Variants in EXOC4 observed in about 807,000 individuals in gnomAD.
EXOC4 encodes the protein SEC8-like 1.
A neutral mutation model predicts 107.2 loss-of-function variants in EXOC4; 71 were observed. The observed-to-expected ratio is 0.66, with a 90% CI of 0.55 to 0.81. The LOEUF (loss-of-function observed/expected upper bound fraction) is 0.81. Among genes scored for constraint, EXOC4 ranks in the 30% least tolerant of loss-of-function variants. The pLI is 0.00. For missense variants in EXOC4, 1,108 were observed against 1,189.6 expected, an observed-to-expected ratio of 0.93 and a Z score of 1.01; for synonymous variants, 456 against 441.2, an observed-to-expected ratio of 1.03 and a Z score of -0.42.
chr7:133,550,756 T>C (rs1360391957), intron 9 of EXOC4, among the ~76,000 whole-genome samples: 1 of 152,184 alleles, frequency 6.6e-6, no homozygotes, highest in Non-Finnish European at 1.5e-5. Context: ...TTAGAACCTG[T>C]AATAGCCTTT....
At chr7:133,654,318 G>A (rs1159174263) in intron 10 of EXOC4, among the ~76,000 whole-genome samples, 11 of 152,124 alleles carry the variant, frequency 7.2e-5, no homozygotes, top group Non-Finnish European at 1.6e-4. Flanking sequence ...TTCCATTCTT[G>A]TTTTAGTCAC....
chr7:133,440,624 G>A (rs1017573177), intron 7 of EXOC4, among the ~76,000 whole-genome samples: 1 of 152,170 alleles, frequency 6.6e-6, no homozygotes, highest in African/African-American at 2.4e-5. Flanking sequence ...TGATAAAATA[G>A]GTTGCAGTAA....
chr7:133,293,728 CAG>C (rs1223301212), intron 3 of EXOC4, among the ~76,000 whole-genome samples: 3 of 152,164 alleles, frequency 2.0e-5, no homozygotes, highest in African/African-American at 7.2e-5. Context: ...ATTGTCATGA[CAG>C]GGAATGTCTG....
At chr7:134,072,381 G>A in the EXOC4 span, among the ~76,000 whole-genome samples, 1 of 152,210 alleles carries the variant, frequency 6.6e-6, no homozygotes, top group Non-Finnish European at 1.5e-5. Flanking sequence ...TTTTGCTGCT[G>A]TTTGTGGTGG....
chr7:133,255,541 A>G (rs974218193), intron 1 of EXOC4, among the ~76,000 whole-genome samples: 8 of 152,142 alleles, frequency 5.3e-5, no homozygotes, highest in African/African-American at 1.9e-4. Flanking sequence ...TATAGTTTTT[A>G]CAAGCATGGT....
intron 14 of EXOC4, among the ~76,000 whole-genome samples, chr7:133,955,952 G>T (rs555003290): frequency 1.3e-5 from 2 of 152,324 alleles, no homozygotes; most frequent in Admixed American, 6.5e-5. Flanking sequence ...CAGTTGGGGG[G>T]CTTCCCAGGC....
At chr7:133,552,160 C>G (rs554425191) in intron 9 of EXOC4, among the ~76,000 whole-genome samples, 1 of 152,218 alleles carries the variant, frequency 6.6e-6, no homozygotes, top group Non-Finnish European at 1.5e-5. Context: ...TGTTTTATAT[C>G]ATTAAGAACC....
chr7:133,570,704 T>C (rs1282884264), intron 9 of EXOC4, among the ~76,000 whole-genome samples: 2 of 152,196 alleles, frequency 1.3e-5, no homozygotes, highest in African/African-American at 2.4e-5. Flanking sequence ...AGGACTCTTA[T>C]CCACTCCTCA....
intron 15 of EXOC4, among the ~76,000 whole-genome samples, chr7:134,000,705 A>G (rs1359026329): frequency 6.6e-6 from 1 of 152,134 alleles, no homozygotes; most frequent in Non-Finnish European, 1.5e-5. Context: ...ATCCTGCTGT[A>G]AAAAAAGAAT....
At chr7:134,091,664 T>C in the EXOC4 span, among the ~76,000 whole-genome samples, 1 of 152,190 alleles carries the variant, frequency 6.6e-6, no homozygotes, top group Non-Finnish European at 1.5e-5. Context: ...AAATCTTATA[T>C]ACTGACAAGA....
chr7:133,995,642 C>A (rs1465352270), intron 14 of EXOC4, among the ~76,000 whole-genome samples: 2 of 152,158 alleles, frequency 1.3e-5, no homozygotes, highest in African/African-American at 4.8e-5. Context: ...CCAAGGCTGG[C>A]AATAATTTAA....
chr7:133,397,828 G>C (rs1797004847), intron 7 of EXOC4, among the ~76,000 whole-genome samples: 4 of 152,014 alleles, frequency 2.6e-5, no homozygotes, highest in Non-Finnish European at 5.9e-5. Flanking sequence ...ACATACCACT[G>C]TGCTTAGTAC....
At chr7:133,405,020 G>A (rs1028428838) in intron 7 of EXOC4, among the ~76,000 whole-genome samples, 2 of 151,910 alleles carry the variant, frequency 1.3e-5, no homozygotes, top group Non-Finnish European at 2.9e-5. Flanking sequence ...GCTGCAATGA[G>A]TTATGATCAT....
chr7:133,747,820 A>G (rs941392337), intron 10 of EXOC4, among the ~76,000 whole-genome samples: 7 of 152,268 alleles, frequency 4.6e-5, no homozygotes, highest in Middle Eastern at 3.4e-3. Flanking sequence ...AACTGCTCCT[A>G]TTCTGAGACA....
intron 15 of EXOC4, among the ~76,000 whole-genome samples, chr7:134,004,063 G>A (rs1431909246): frequency 6.6e-6 from 1 of 152,070 alleles, no homozygotes; most frequent in East Asian, 1.9e-4. Flanking sequence ...ATGGCACGTG[G>A]ATGGATGTGC....
intron 9 of EXOC4, among the ~76,000 whole-genome samples, chr7:133,511,403 TTA>T (rs1293629322): frequency 6.6e-6 from 1 of 151,966 alleles, no homozygotes; most frequent in Non-Finnish European, 1.5e-5. Flanking sequence ...CAGGTAAGGG[TTA>T]TTTCGTAAGG....
intron 12 of EXOC4, among the ~76,000 whole-genome samples, chr7:133,913,825 CAAG>C (rs924926678): frequency 3.3e-5 from 5 of 152,004 alleles, no homozygotes; most frequent in Non-Finnish European, 7.4e-5. Flanking sequence ...TCAAGCTGTG[CAAG>C]AAGATGAGAC....
At chr7:133,679,562 A>ATCCG (rs1794142760) in intron 10 of EXOC4, among the ~76,000 whole-genome samples, 1 of 151,624 alleles carries the variant, frequency 6.6e-6, no homozygotes, top group Admixed American at 6.6e-5. Flanking sequence ...CCATCCATCC[A>ATCCG]TCCATCCATC....
chr7:133,491,505 CTT>C (rs1201455588), intron 9 of EXOC4, among the ~76,000 whole-genome samples: 1 of 152,138 alleles, frequency 6.6e-6, no homozygotes, highest in Non-Finnish European at 1.5e-5. Flanking sequence ...AGGCAAGGCA[CTT>C]TACTTTTCTG....
Sources: gnomAD v4.1 joint callset for allele counts (sites outside exome capture counted in the v4.1 genomes callset) on GRCh38, gnomAD v4.1.1 for gene constraint, MANE v1.5 for transcripts, NCBI Gene and HGNC (gene_info 2026-07-23, HGNC 2026-07-21) for gene names.